Variants in AVEN observed in about 807,000 individuals in gnomAD.
The protein encoded by AVEN is cell death regulator Aven.
AVEN carries 41 observed loss-of-function variants against 38.1 expected under a neutral mutation model. That is an observed-to-expected ratio of 1.08 (90% confidence interval 0.84 to 1.40). The LOEUF is 1.40. Among genes scored for constraint, AVEN ranks in the 40% most tolerant of loss-of-function variants. The pLI is 0.00. For synonymous variants in AVEN, 206 were observed against 171.8 expected (o/e 1.20, Z -1.56); for missense variants, 605 against 438.8 (o/e 1.38, Z -3.38).
intron 1 of AVEN, among the ~76,000 whole-genome samples, chr15:34,030,530 T>G (rs1898735758): frequency 6.6e-6 from 1 of 152,012 alleles, no homozygotes; most frequent in Non-Finnish European, 1.5e-5. Context: ...GTATTTTTAG[T>G]AGAGACAGGG....
intron 2 of AVEN, among the ~76,000 whole-genome samples, chr15:33,946,844 T>C (rs1393485682): frequency 6.6e-6 from 1 of 152,140 alleles, no homozygotes; most frequent in Non-Finnish European, 1.5e-5. Flanking sequence ...ACAGATGTAG[T>C]GCGGGCTCGG....
chr15:33,857,755 C>A (rs1341545133), downstream of AVEN: 1 of 1,613,550 alleles, frequency 6.2e-7, no homozygotes, highest in Non-Finnish European at 8.5e-7. Flanking sequence ...CACTCCTTTT[C>A]CTTTCTCTGT....
downstream of AVEN, chr15:33,854,241 T>C (rs1323441499): frequency 9.3e-6 from 6 of 644,886 alleles, no homozygotes; most frequent in Admixed American, 1.9e-4. Context: ...TGTTCTCTTG[T>C]CTCATGGGGA....
intron 5 of AVEN, among the ~76,000 whole-genome samples, chr15:34,055,281 T>C (rs560657342): frequency 4.1e-4 from 62 of 151,226 alleles, no homozygotes; most frequent in Non-Finnish European, 8.4e-4. Context: ...GTGGATCTCT[T>C]GAGGCCAGGA....
intron 2 of AVEN, among the ~76,000 whole-genome samples, chr15:33,968,017 TA>T (rs1259053717): frequency 6.8e-6 from 1 of 147,228 alleles, no homozygotes; most frequent in Non-Finnish European, 1.5e-5. Context: ...CAAAGACTTT[TA>T]AAAATTATTT....
chr15:33,852,957 G>A, the AVEN span: 8 of 1,145,118 alleles, frequency 7.0e-6, no homozygotes, highest in Non-Finnish European at 1.0e-5. Context: ...AAAGATCCCA[G>A]ATCCAGGCAC....
downstream of AVEN, among the ~76,000 whole-genome samples, chr15:33,862,225 C>T (rs778890547): frequency 1.3e-5 from 2 of 152,162 alleles, no homozygotes; most frequent in Non-Finnish European, 2.9e-5. Context: ...CCTCATCTTT[C>T]GAGATAGATA....
At chr15:33,912,888 A>ATT (rs34666691) in intron 2 of AVEN, among the ~76,000 whole-genome samples, 6 of 144,440 alleles carry the variant, frequency 4.2e-5, no homozygotes, top group South Asian at 4.4e-4. Flanking sequence ...AAAAGGCATA[A>ATT]TTTTTTTTTT....
intron 2 of AVEN, among the ~76,000 whole-genome samples, chr15:33,941,241 T>TA (rs1196793197): frequency 6.6e-6 from 1 of 152,238 alleles, no homozygotes; most frequent in Non-Finnish European, 1.5e-5. Context: ...GGTACTTGAG[T>TA]AAAATCTTTT....
At chr15:33,974,433 T>C (rs1054890779) in intron 2 of AVEN, among the ~76,000 whole-genome samples, 1 of 152,210 alleles carries the variant, frequency 6.6e-6, no homozygotes, top group Non-Finnish European at 1.5e-5. Context: ...CAACATACAA[T>C]ATACCAACAA....
chr15:34,045,777 C>A (rs988432348), intron 5 of AVEN, among the ~76,000 whole-genome samples: 1 of 151,836 alleles, frequency 6.6e-6, no homozygotes, highest in Non-Finnish European at 1.5e-5. Flanking sequence ...CAAGTCCACT[C>A]GACAAGAAAA....
chr15:33,860,792 G>A (rs375798138), intron 11 of AVEN: 1 of 750,646 alleles, frequency 1.3e-6, no homozygotes, highest in African/African-American at 1.8e-5. Flanking sequence ...TCCATGCCCT[G>A]TTCTCTGCAC....
At chr15:34,005,520 C>T (rs7178446) in intron 1 of AVEN, among the ~76,000 whole-genome samples, 23,516 of 152,084 alleles carry the variant, frequency 0.15, 2,262 homozygotes, top group Middle Eastern at 0.28. Flanking sequence ...GGCTAAAATA[C>T]AGATGCTGCT....
At chr15:33,918,924 GTT>G (rs34781502) in intron 2 of AVEN, among the ~76,000 whole-genome samples, 1 of 139,940 alleles carries the variant, frequency 7.1e-6, no homozygotes, top group Non-Finnish European at 1.5e-5. Flanking sequence ...CTGCTTTTCT[GTT>G]TTTTTTTTTT....
intron 5 of AVEN, among the ~76,000 whole-genome samples, chr15:34,062,415 C>T (rs1340182975): frequency 1.3e-5 from 2 of 151,860 alleles, no homozygotes; most frequent in East Asian, 3.9e-4. Flanking sequence ...AATAGCTGGG[C>T]GTGGTGGTGG....
chr15:33,896,662 C>T (rs898643128), intron 2 of AVEN, among the ~76,000 whole-genome samples: 4 of 152,188 alleles, frequency 2.6e-5, no homozygotes, highest in African/African-American at 9.7e-5. Context: ...ACAATCAACT[C>T]TGAAGCTGGT....
intron 2 of AVEN, among the ~76,000 whole-genome samples, chr15:34,000,158 C>G (rs77455220): frequency 1.3e-5 from 2 of 152,264 alleles, no homozygotes; most frequent in South Asian, 4.1e-4. Context: ...TCAGTAAGAC[C>G]CCTGGCTACT....
At chr15:33,933,524 C>CACACAGAGAGAGAG (rs1893945145) in intron 2 of AVEN, among the ~76,000 whole-genome samples, 1 of 46,584 alleles carries the variant, frequency 2.1e-5, no homozygotes, top group Non-Finnish European at 4.5e-5. Context: ...CACACACACA[C>CACACAGAGAGAGAG]AGAGAGAGAG....
At chr15:33,852,886 T>C in the AVEN span, 1 of 646,776 alleles carries the variant, frequency 1.5e-6, no homozygotes. Flanking sequence ...CAGTAGAGCC[T>C]GTGATGACTC....
Sources: gnomAD v4.1 joint callset for allele counts (sites outside exome capture counted in the v4.1 genomes callset) on GRCh38, gnomAD v4.1.1 for gene constraint, MANE v1.5 for transcripts, NCBI Gene and HGNC (gene_info 2026-07-23, HGNC 2026-07-21) for gene names.